The following FMNL3 variants were observed in gnomAD, a reference collection of about 807,000 sequenced individuals.
FMNL3 encodes the protein formin-like protein 3.
Under a neutral mutation model 119.6 loss-of-function variants are expected in FMNL3, and 57 were observed. The observed-to-expected ratio is 0.48, with a 90% confidence interval of 0.39 to 0.59. The LOEUF is 0.59. Among genes scored for constraint, FMNL3 ranks in the 20% least tolerant of loss-of-function variants. FMNL3 has a pLI of 0.00. For synonymous variants in FMNL3, 491 were observed against 507.3 expected, an observed-to-expected ratio of 0.97 and a Z score of 0.43; for missense variants, 1,053 against 1,323.5, an observed-to-expected ratio of 0.80 and a Z score of 3.17.
At chr12:49,697,638 A>T (rs1944786139) in intron 1 of FMNL3, among the ~76,000 whole-genome samples, 1 of 152,188 alleles carries the variant, frequency 6.6e-6, no homozygotes, top group South Asian at 2.1e-4. Flanking sequence ...CTCAGTTGAA[A>T]GCTACTTTAA....
chr12:49,687,393 CT>C (rs1944494358), intron 1 of FMNL3, among the ~76,000 whole-genome samples: 1 of 151,722 alleles, frequency 6.6e-6, no homozygotes, highest in Non-Finnish European at 1.5e-5. Flanking sequence ...CGCCTGGCCC[CT>C]CTCTCTTATT....
At position 49,637,387 on chromosome 12, in the gene FMNL3, T is replaced by TCTGCCATTCCCTCTCTTCCC; in HGVS notation, c.*8408_*8427dup. On this transcript the variant is annotated 3_prime_UTR_variant, in exon 26 of 26. Coordinates refer to ENST00000335154, the MANE Select transcript of FMNL3 (RefSeq NM_175736.5). ...AATCTTGATTGTCCCTGCCTCTTCC[T>TCTGCCATTCCCTCTCTTCCC]CTGCCATTCCCTCTCTTCCCCCTCA... The TCTGCCATTCCCTCTCTTCCC allele has an allele frequency of 1.1e-6, 1 of 915,072 alleles. No individual in the cohort carries two copies. Among genetic ancestry groups the TCTGCCATTCCCTCTCTTCCC allele is most frequent in the Non-Finnish European group, 1.7e-6 (1 of 574,876 alleles). The allele number at this position is 915,072 out of a possible 1,614,324, so 56.7% of individuals were successfully genotyped here. A position where few individuals can be genotyped will look rare whatever the true frequency, so the allele number is the denominator to read the frequency against.
intron 4 of FMNL3, among the ~76,000 whole-genome samples, chr12:49,663,864 G>A (rs949393924): frequency 2.0e-5 from 3 of 152,322 alleles, no homozygotes; most frequent in African/African-American, 7.2e-5. Flanking sequence ...AGGTACTAGT[G>A]GCTCCACTTT....
rs376128730 is a variant in FMNL3 at position 49,637,555 on chromosome 12, T to C, written c.*8260A>G. 2.4e-5 allele frequency: 39 copies of C among 1,613,862 alleles called. No individual in the cohort carries two copies. In the African/African-American group the frequency reaches 4.8e-4, roughly 20 times the overall value. On this transcript the variant is annotated 3_prime_UTR_variant, in exon 26 of 26. Coordinates refer to ENST00000335154, the MANE Select transcript of FMNL3 (RefSeq NM_175736.5). ...CTATATCCAGCAGTCAGCACTGATGTCCGCTTTGCCAACATGCTGGGCCAG... is the reference window on the plus strand; with the variant it reads ...CTATATCCAGCAGTCAGCACTGATGCCCGCTTTGCCAACATGCTGGGCCAG...
At chr12:49,693,434 G>T (rs948667719) in intron 1 of FMNL3, among the ~76,000 whole-genome samples, 12 of 151,502 alleles carry the variant, frequency 7.9e-5, no homozygotes, top group South Asian at 2.1e-4. Flanking sequence ...CTGGAGTACA[G>T]TGGTGCCATC....
At chr12:49,669,662 T>C (rs565545612) in intron 1 of FMNL3, among the ~76,000 whole-genome samples, 30 of 151,926 alleles carry the variant, frequency 2.0e-4, no homozygotes, top group African/African-American at 7.2e-4. Context: ...CAAAATCCCA[T>C]CTCTACCAAA....
intron 5 of FMNL3, chr12:49,660,013 C>A (rs1943686816): frequency 1.0e-6 from 1 of 967,774 alleles, no homozygotes; most frequent in African/African-American, 1.8e-5. Flanking sequence ...GAAGTGGGAG[C>A]AGGCTTTAGT....
intron 1 of FMNL3, among the ~76,000 whole-genome samples, chr12:49,675,143 C>T (rs979211554): frequency 6.6e-6 from 1 of 152,182 alleles, no homozygotes; most frequent in Non-Finnish European, 1.5e-5. Flanking sequence ...CTGCAGGTAA[C>T]CCTGAGGTCC....
At chr12:49,661,855 G>C (rs1943742580) in intron 5 of FMNL3, 111 bp downstream of exon 5, 6 of 1,048,384 alleles carry the variant, frequency 5.7e-6, no homozygotes, top group Non-Finnish European at 8.9e-6. Context: ...TCCTGTCCAG[G>C]ATTCCCATTT....
chr12:49,672,361 A>G (rs778633157), intron 1 of FMNL3, among the ~76,000 whole-genome samples: 2 of 152,032 alleles, frequency 1.3e-5, no homozygotes, highest in South Asian at 2.1e-4. Flanking sequence ...CAGTCACAAT[A>G]GGAGATGTGA....
Position 49,707,280 on chromosome 12 carries a change from C to A in FMNL3, c.-100G>T. 2 of 1,193,252 alleles carry A rather than the reference C, an allele frequency of 1.7e-6. No individual in the cohort carries two copies. Among genetic ancestry groups the A allele is most frequent in the South Asian group, 1.8e-5 (1 of 56,974 alleles). 73.9% of individuals were successfully genotyped at this position (1,193,252 alleles called of 1,614,324 possible). On this transcript the variant is annotated 5_prime_UTR_variant, in exon 1 of 26. Transcript: ENST00000335154. ...AGGCTCCTCCCTCAGCGCCGGCTCC[C>A]CGAGTCCCGACTCCTCGGCCCCGTC...
chr12:49,663,943 T>G (rs558184678), intron 4 of FMNL3, among the ~76,000 whole-genome samples: 104 of 149,432 alleles, frequency 7.0e-4, no homozygotes, highest in African/African-American at 2.4e-3. Context: ...CTCTACTAAA[T>G]TTTTTTTTTT....
rs771732646 is a variant in FMNL3 at position 49,649,750 on chromosome 12, G to A, written c.2176C>T (p.Arg726Ter). The A allele has an allele frequency of 9.9e-6, 16 of 1,614,180 alleles. No individual in the cohort carries two copies. Among genetic ancestry groups the A allele is most frequent in the Non-Finnish European group, 1.3e-5 (15 of 1,180,024 alleles). Residue 726 changes from arginine to a stop codon, truncating the protein, a stop_gained, in exon 18 of 26, where the codon CGA becomes TGA. Transcript: ENST00000335154. LOFTEE classifies it high-confidence loss of function. The surrounding 1 kb of genome is among the most constrained non-coding windows in gnomAD (Gnocchi z 5.6). Reference sequence around the variant, plus strand: ...CCCAGGAAGGCCATGCCAGCCATTCGCTGGGTCAACCGTTCCACCTTGCTG... The same window carrying A: ...CCCAGGAAGGCCATGCCAGCCATTCACTGGGTCAACCGTTCCACCTTGCTG... ...LFSKVERLTQ[R>*]MAGMAFLGNF...
In FMNL3 at chr12:49,647,622, G is replaced by A; in HGVS notation, c.2778+81C>T. 2.4e-6 allele frequency: 3 copies of A among 1,275,836 alleles called. No individual in the cohort carries two copies. In the Admixed American group the frequency reaches 5.2e-5, roughly 22 times the overall value. 79.0% of individuals were successfully genotyped at this position (1,275,836 alleles called of 1,614,324 possible). On this transcript the variant is annotated intron_variant, in intron 23 of 25. Transcript: ENST00000335154. The surrounding 1 kb of genome is among the most constrained non-coding windows in gnomAD (Gnocchi z 4.9). ...GGACTCGGAGGAGGAGTCGGAAAAG[G>A]CCCATACTTTAAGCCCAGGCTTCTC... is the stretch of plus-strand genomic sequence containing the variant.
intron 1 of FMNL3, among the ~76,000 whole-genome samples, chr12:49,691,581 C>A (rs977440741): frequency 3.3e-5 from 5 of 152,196 alleles, no homozygotes; most frequent in Non-Finnish European, 7.3e-5. Flanking sequence ...AAAAGAGCAT[C>A]TCTTAGGATT....
rs946934224 is a variant in FMNL3 at position 49,666,172 on chromosome 12, G to A, written c.246C>T (p.Tyr82=). 22 of 1,613,978 alleles carry A rather than the reference G, an allele frequency of 1.4e-5. No individual in the cohort carries two copies. Among genetic ancestry groups the A allele is most frequent in the Non-Finnish European group, 1.8e-5 (21 of 1,179,986 alleles). ...RFQVKNPPHT[Y]IQKLQSFLDP... The stretch of plus-strand genomic sequence containing the variant: ...CCAAGAAGCTCTGGAGTTTCTGAAT[G>A]TAAGTGTGGGGAGGATTCTTCACCT... The change falls in exon 3 of 26, where the codon TAC becomes TAT. Residue 82 remains tyrosine, a synonymous_variant. Transcript: ENST00000335154.
chr12:49,671,959 C>T (rs765561933), intron 1 of FMNL3, among the ~76,000 whole-genome samples: 15 of 152,242 alleles, frequency 9.9e-5, no homozygotes, highest in Non-Finnish European at 1.3e-4. Context: ...CCTTGGTGAA[C>T]GCATCCATAA....
At position 49,693,635 on chromosome 12, in the gene FMNL3, GGTTTTTTTTTTT is replaced by G. The variant is rs1324595848; in HGVS notation, c.126+13408_126+13419del. Among the ~76,000 whole-genome samples, 92 of 21,242 alleles carry G rather than the reference GGTTTTTTTTTTT, an allele frequency of 4.3e-3. 5 individuals are homozygous for G. Among genetic ancestry groups the G allele is most frequent in the Middle Eastern group, 0.042 (1 of 24 alleles). 13.9% of individuals were successfully genotyped at this position (21,242 alleles called of 152,430 possible). ...CCACCCGCCTCAGCCTCCCAATCTT[GGTTTTTTTTTTT>G]TTTTTTTTTTTTTTTTTTGAGACAG... On this transcript the variant is annotated intron_variant, in intron 1 of 25. Transcript: ENST00000335154.
chr12:49,641,698 CTG>C lies in FMNL3; in HGVS notation c.*4115_*4116del. On this transcript the variant is annotated 3_prime_UTR_variant, in exon 26 of 26. Coordinates refer to ENST00000335154, the MANE Select transcript of FMNL3 (RefSeq NM_175736.5). ...GAGACATCTCCCAACCCCTTCAGCT[CTG>C]TGTGACATCCAAACCAAGGGTAGGC... The C allele has an allele frequency of 1.7e-6, 1 of 577,414 alleles. No individual in the cohort carries two copies. The highest frequency in any genetic ancestry group is 3.1e-6 in the Non-Finnish European group (1 of 324,260). The allele number at this position is 577,414 out of a possible 1,614,324, so 35.8% of individuals were successfully genotyped here. A position where few individuals can be genotyped will look rare whatever the true frequency, so the allele number is the denominator to read the frequency against.
Sources: gnomAD v4.1 joint callset for allele counts (sites outside exome capture counted in the v4.1 genomes callset) on GRCh38, gnomAD v4.1.1 for gene constraint, Gnocchi (gnomAD v3.1) non-coding constraint, MANE v1.5 for transcripts, NCBI Gene and HGNC (gene_info 2026-07-23, HGNC 2026-07-21) for gene names.